Variants in PDLIM5 observed in about 807,000 individuals in gnomAD.
PDLIM5 encodes PDZ and LIM domain protein 5.
Under a neutral mutation model 64.2 loss-of-function variants are expected in PDLIM5, and 34 were observed. The observed-to-expected ratio is 0.53, with a 90% confidence interval of 0.40 to 0.71. PDLIM5 has a LOEUF of 0.71. Ranked by LOEUF, PDLIM5 falls within the 30% of genes least tolerant of loss-of-function variation. PDLIM5 has a pLI of 0.00. For missense variants in PDLIM5, 683 were observed against 733.6 expected (o/e 0.93, Z 0.80); for synonymous variants, 253 against 269.1 (o/e 0.94, Z 0.59).
chr4:94,630,492 G>A (rs1415426953), intron 8 of PDLIM5, among the ~76,000 whole-genome samples: 3 of 151,716 alleles, frequency 2.0e-5, no homozygotes, highest in Admixed American at 1.3e-4. Flanking sequence ...CTCCTGCCTC[G>A]GCCTAACAGT....
At chr4:94,638,106 A>G (rs960119621) in intron 8 of PDLIM5, among the ~76,000 whole-genome samples, 1 of 152,210 alleles carries the variant, frequency 6.6e-6, no homozygotes, top group African/African-American at 2.4e-5. Context: ...AATACATTTT[A>G]CATTTCTTGA....
intron 9 of PDLIM5, among the ~76,000 whole-genome samples, chr4:94,651,215 A>G (rs1267872396): frequency 2.0e-5 from 3 of 152,216 alleles, no homozygotes; most frequent in African/African-American, 7.2e-5. Flanking sequence ...TGATGGAGAA[A>G]GATGCTCTTT....
chr4:94,453,298 T>TG (rs939485752), intron 1 of PDLIM5, among the ~76,000 whole-genome samples: 1 of 152,156 alleles, frequency 6.6e-6, no homozygotes, highest in African/African-American at 2.4e-5. Flanking sequence ...TGCCATTGCT[T>TG]GGGGCAGAGA....
intron 3 of PDLIM5, among the ~76,000 whole-genome samples, chr4:94,526,877 C>G (rs1190559660): frequency 3.3e-5 from 5 of 151,038 alleles, no homozygotes; most frequent in Admixed American, 2.0e-4. Context: ...GGATTACAGG[C>G]GCATGTCACC....
At chr4:94,474,364 C>T (rs1725138201) in intron 2 of PDLIM5, among the ~76,000 whole-genome samples, 1 of 152,194 alleles carries the variant, frequency 6.6e-6, no homozygotes, top group Admixed American at 6.5e-5. Flanking sequence ...GATTCTTCTG[C>T]CTCAGCCTCC....
At chr4:94,453,861 G>GAAGTAA (rs1723085467) in intron 1 of PDLIM5, among the ~76,000 whole-genome samples, 3 of 152,128 alleles carry the variant, frequency 2.0e-5, no homozygotes, top group Admixed American at 2.0e-4. Flanking sequence ...CTGAAGTAAT[G>GAAGTAA]TGTTATTGCC....
At position 94,525,967 on chromosome 4, in the gene PDLIM5, T is replaced by C. The variant is rs542797931; in HGVS notation, c.248+2092T>C. Among the ~76,000 whole-genome samples the C allele has an allele frequency of 1.8e-4, 27 of 152,310 alleles. No individual in the cohort carries two copies. The East Asian group carries it at 5.2e-3, about 29-fold the overall frequency. On this transcript the variant is annotated intron_variant, in intron 3 of 12. Coordinates refer to ENST00000317968, the MANE Select transcript of PDLIM5 (RefSeq NM_006457.5). ...TACTAATCACATGAAAGTAAAGTCA[T>C]TTTTAATTTACCAAGTATGAATTTT...
Position 94,588,274 on chromosome 4 carries a change from A to G in PDLIM5, c.920+1830A>G, listed in dbSNP as rs148782458. The G allele has an allele frequency of 1.9e-5, 13 of 674,462 alleles. No individual in the cohort carries two copies. The East Asian group carries it at 8.1e-4, about 42-fold the overall frequency. The allele number at this position is 674,462 out of a possible 1,614,324, so 41.8% of individuals were successfully genotyped here. On this transcript the variant is annotated intron_variant, in intron 7 of 12. Transcript: ENST00000317968. ...GAGGTTACTAAAATATGGGTATAAA[A>G]CACGGCAGGCCAGGTGCGGTGGCTC... is the stretch of plus-strand genomic sequence containing the variant.
In PDLIM5 at chr4:94,664,286, T is replaced by A. The variant is rs1742956433; in HGVS notation, c.*219T>A. On this transcript the variant is annotated 3_prime_UTR_variant, in exon 13 of 13. Transcript: ENST00000317968. ...TATTATTACTTTTTCCTGTATTTTA[T>A]GCCCATAAAATAAGCTTTATAAAAA... 1 of 914,696 alleles carries A rather than the reference T, an allele frequency of 1.1e-6. No individual in the cohort carries two copies. Among genetic ancestry groups the A allele is most frequent in the East Asian group, 5.4e-5 (1 of 18,576 alleles). The allele number at this position is 914,696 out of a possible 1,614,324, so 56.7% of individuals were successfully genotyped here.
rs1420883645 is a variant in PDLIM5, at chr4:94,605,959, T to C, written c.921-12045T>C. ...TCCTGAAATATTTATAAATTTTTAATATTAAAATATTTATTTAAAGGTATT... is the reference window on the plus strand; with the variant it reads ...TCCTGAAATATTTATAAATTTTTAACATTAAAATATTTATTTAAAGGTATT... On this transcript the variant is annotated intron_variant, in intron 7 of 12. Transcript: ENST00000317968. Among the ~76,000 whole-genome samples, 3 of 151,728 alleles carry C rather than the reference T, an allele frequency of 2.0e-5. No homozygotes were observed. In the East Asian group the frequency reaches 5.8e-4, roughly 29 times the overall value.
At chr4:94,566,731 T>A (rs555653602) in intron 3 of PDLIM5, among the ~76,000 whole-genome samples, 2 of 152,346 alleles carry the variant, frequency 1.3e-5, no homozygotes, top group East Asian at 3.9e-4. Flanking sequence ...GCGGGAACTC[T>A]GTCTCTTTAG....
intron 9 of PDLIM5, among the ~76,000 whole-genome samples, chr4:94,643,843 A>T (rs1368002255): frequency 6.6e-6 from 1 of 152,222 alleles, no homozygotes; most frequent in Admixed American, 6.5e-5. Context: ...TACCAAGGAA[A>T]AACATGCATA....
intron 5 of PDLIM5, 58 bp downstream of exon 5, chr4:94,576,092 G>T: frequency 1.4e-6 from 2 of 1,434,434 alleles, no homozygotes. Context: ...GTAATTTCCA[G>T]GAAATACTCT....
chr4:94,662,232 G>A (rs1742790548), intron 11 of PDLIM5, among the ~76,000 whole-genome samples, 190 bp from the exon 12 acceptor site: 1 of 129,334 alleles, frequency 7.7e-6, no homozygotes, highest in Admixed American at 7.8e-5. Flanking sequence ...TTTATACCAA[G>A]GGAATCCTGA....
At chr4:94,652,598 A>G (rs767151854) in intron 9 of PDLIM5, among the ~76,000 whole-genome samples, 2 of 152,204 alleles carry the variant, frequency 1.3e-5, no homozygotes, top group Non-Finnish European at 2.9e-5. Flanking sequence ...GTTGAAAATG[A>G]TGGACCACTT....
At chr4:94,478,197 A>G (rs1725500296) in intron 2 of PDLIM5, among the ~76,000 whole-genome samples, 1 of 150,620 alleles carries the variant, frequency 6.6e-6, no homozygotes, top group Non-Finnish European at 1.5e-5. Context: ...CGGAGGTTGC[A>G]GTGAGCCAAG....
At chr4:94,539,786 G>T (rs1440356319) in intron 3 of PDLIM5, among the ~76,000 whole-genome samples, 1 of 152,122 alleles carries the variant, frequency 6.6e-6, no homozygotes, top group Non-Finnish European at 1.5e-5. Flanking sequence ...AGAGAGCACA[G>T]CTTAAGCAAA....
intron 3 of PDLIM5, among the ~76,000 whole-genome samples, chr4:94,543,282 A>G (rs1353286487): frequency 2.6e-5 from 4 of 151,798 alleles, no homozygotes; most frequent in Non-Finnish European, 5.9e-5. Flanking sequence ...GACTGTTGTC[A>G]GTTTTTTTTT....
At chr4:94,600,124 T>G (rs770153437) in intron 7 of PDLIM5, among the ~76,000 whole-genome samples, 4 of 152,160 alleles carry the variant, frequency 2.6e-5, no homozygotes, top group Non-Finnish European at 4.4e-5. Context: ...CAGAGTCCAT[T>G]ACAGGAAAAT....
Sources: allele counts gnomAD v4.1 joint callset (sites outside exome capture counted in the v4.1 genomes callset), GRCh38; gene constraint gnomAD v4.1.1; transcripts MANE v1.5; gene names NCBI Gene and HGNC (gene_info 2026-07-23, HGNC 2026-07-21).